UTRN: variants seen among roughly 807,000 people sequenced by gnomAD.
The protein encoded by UTRN is utrophin.
UTRN carries 283 observed loss-of-function variants against 463.9 expected under a neutral mutation model. The observed-to-expected ratio is 0.61, with a 90% confidence interval of 0.55 to 0.67. UTRN has a LOEUF of 0.67. Among genes scored for constraint, UTRN ranks in the 30% least tolerant of loss-of-function variants. UTRN has a pLI of 0.00. For missense variants in UTRN, 3,922 were observed against 4,084.3 expected, an observed-to-expected ratio of 0.96 and a Z score of 1.08; for synonymous variants, 1,442 against 1,431.5, an observed-to-expected ratio of 1.01 and a Z score of -0.17.
chr6:144,845,102 G>A (rs867050375), intron 73 of UTRN, among the ~76,000 whole-genome samples: 2 of 152,214 alleles, frequency 1.3e-5, no homozygotes, highest in South Asian at 2.1e-4. Context: ...GGTCCTGATA[G>A]CATCCTTGAA....
At chr6:144,698,831 A>G (rs1225200751) in intron 52 of UTRN, among the ~76,000 whole-genome samples, 1 of 152,216 alleles carries the variant, frequency 6.6e-6, no homozygotes, top group Non-Finnish European at 1.5e-5. Flanking sequence ...ATCTGTGATT[A>G]TGGAGTTCAT....
At chr6:144,481,686 A>G (rs1791883060) in intron 26 of UTRN, among the ~76,000 whole-genome samples, 1 of 152,252 alleles carries the variant, frequency 6.6e-6, no homozygotes, top group African/African-American at 2.4e-5. Context: ...CACTGCTGTT[A>G]TGAAATGAAA....
intron 50 of UTRN, among the ~76,000 whole-genome samples, chr6:144,561,260 T>C (rs865804894): frequency 0.43 from 31,422 of 72,730 alleles, 5,745 homozygotes; most frequent in South Asian, 0.53. Flanking sequence ...TATATATATA[T>C]ACATACACAC....
At chr6:144,615,019 T>C (rs138673097) in intron 51 of UTRN, among the ~76,000 whole-genome samples, 288 of 152,214 alleles carry the variant, frequency 1.9e-3, no homozygotes, top group Middle Eastern at 6.8e-3. Flanking sequence ...ATTTATAGGG[T>C]ATAAAATACT....
intron 45 of UTRN, 32 bp downstream of exon 45, chr6:144,539,475 A>G (rs777552140): frequency 1.9e-6 from 3 of 1,543,192 alleles, no homozygotes; most frequent in South Asian, 2.5e-5. Flanking sequence ...CACATTTCTC[A>G]TATTTATTGA....
At chr6:144,342,970 G>A (rs1361837662) in intron 2 of UTRN, among the ~76,000 whole-genome samples, 1 of 149,816 alleles carries the variant, frequency 6.7e-6, no homozygotes, top group South Asian at 2.1e-4. Context: ...TTTGGAGACT[G>A]AGGCTTAGAG....
intron 2 of UTRN, among the ~76,000 whole-genome samples, chr6:144,316,762 T>G (rs1019151596): frequency 2.6e-5 from 4 of 152,198 alleles, no homozygotes; most frequent in Non-Finnish European, 4.4e-5. Flanking sequence ...CTACCATAAT[T>G]TTATGGGGAA....
intron 22 of UTRN, among the ~76,000 whole-genome samples, 162 bp downstream of exon 22, chr6:144,461,504 AAAAG>A (rs1259042959): frequency 6.6e-6 from 1 of 152,252 alleles, no homozygotes; most frequent in African/African-American, 2.4e-5. Context: ...GACCTCACAT[AAAAG>A]AAAGTACAGT....
Position 144,594,240 on chromosome 6 carries a change from T to G in UTRN, c.7479+16952T>G, listed in dbSNP as rs557745071. ...GGGAAGCAGTGCCTTAACATCTATG[T>G]AGAGCTTTGCTCTTAAAGTGCTTTA... is the stretch of plus-strand genomic sequence containing the variant. On this transcript the variant is annotated intron_variant, in intron 51 of 74. Coordinates refer to ENST00000367545, the MANE Select transcript of UTRN (RefSeq NM_007124.3). Among the ~76,000 whole-genome samples, 5 of 152,084 alleles carry G rather than the reference T, an allele frequency of 3.3e-5. No individual in the cohort carries two copies. In the East Asian group the frequency reaches 9.7e-4, roughly 29 times the overall value.
At position 144,678,400 on chromosome 6, in the gene UTRN, G is replaced by T. The variant is rs1047705608; in HGVS notation, c.7480-6G>T. On this transcript the variant is annotated splice_region_variant and splice_polypyrimidine_tract_variant and intron_variant, in intron 51 of 74. Transcript: ENST00000367545. ...TTGCATTATCTATTTGCTTTTTTCT[G>T]TTTAGGACATCCAGGCAGAAATTGA... The T allele has an allele frequency of 6.2e-7, 1 of 1,608,654 alleles. No homozygotes were observed. The highest frequency in any genetic ancestry group is 8.5e-7 in the Non-Finnish European group (1 of 1,177,078).
At chr6:144,315,261 G>A (rs577362480) in intron 2 of UTRN, among the ~76,000 whole-genome samples, 16 of 152,266 alleles carry the variant, frequency 1.1e-4, no homozygotes, top group South Asian at 1.0e-3. Flanking sequence ...TTCAACCAGC[G>A]GGGTCAGGAA....
At chr6:144,637,525 C>T (rs999241859) in intron 51 of UTRN, among the ~76,000 whole-genome samples, 5 of 151,960 alleles carry the variant, frequency 3.3e-5, no homozygotes, top group African/African-American at 4.8e-5. Flanking sequence ...TGCAACGTCT[C>T]CTGCCCTGGG....
chr6:144,837,084 C>T (rs929187357), intron 71 of UTRN: 1 of 157,344 alleles, frequency 6.4e-6, no homozygotes, highest in Admixed American at 6.0e-5. Context: ...TGAATACATG[C>T]ATGTATGGAG....
intron 57 of UTRN, among the ~76,000 whole-genome samples, chr6:144,757,391 T>C (rs1354517740): frequency 6.6e-6 from 1 of 152,058 alleles, no homozygotes; most frequent in African/African-American, 2.4e-5. Context: ...GCCTTGGTTC[T>C]TCACAACTTT....
chr6:144,523,075 G>C lies in UTRN; in HGVS notation c.5793G>C (p.Gln1931His), dbSNP rs781438829. Reference sequence around the variant, plus strand: ...AGATTGCAGTCATTCATGAAAAACAGCCAGATGTCATCCTTGAAGCCTCTG... The same window carrying C: ...AGATTGCAGTCATTCATGAAAAACACCCAGATGTCATCCTTGAAGCCTCTG... Reference protein sequence around the residue: ...GEQIAVIHEKQPDVILEASGP... With the variant: ...GEQIAVIHEKHPDVILEASGP... Residue 1931 changes from glutamine (Q) to histidine (H), a missense_variant, in exon 41 of 75, where the codon CAG becomes CAC. By Grantham distance (24) the Gln-to-His change is conservative. Around this residue, in one of 3 missense-constraint regions of UTRN, gnomAD observed 2,349 missense variants for 2,303.8 expected, o/e 1.02. Coordinates refer to ENST00000367545, the MANE Select transcript of UTRN (RefSeq NM_007124.3). 1 of 1,613,332 alleles carries C rather than the reference G, an allele frequency of 6.2e-7. No individual in the cohort carries two copies. Among genetic ancestry groups the C allele is most frequent in the Non-Finnish European group, 8.5e-7 (1 of 1,179,674 alleles).
intron 51 of UTRN, among the ~76,000 whole-genome samples, chr6:144,635,514 C>CTTTTTTTTTTTTTTT (rs1402815648): frequency 1.2e-4 from 10 of 80,012 alleles, no homozygotes; most frequent in Admixed American, 1.9e-4. Context: ...CTTTTTTTTT[C>CTTTTTTTTTTTTTTT]TTTTTTTTTT....
At chr6:144,662,895 G>T (rs1435553038) in intron 51 of UTRN, among the ~76,000 whole-genome samples, 1 of 152,172 alleles carries the variant, frequency 6.6e-6, no homozygotes, top group African/African-American at 2.4e-5. Flanking sequence ...CAGTGGTTTT[G>T]TGATTTTTAC....
intron 2 of UTRN, among the ~76,000 whole-genome samples, chr6:144,338,655 T>C (rs1453661803): frequency 6.6e-6 from 1 of 152,036 alleles, no homozygotes; most frequent in African/African-American, 2.4e-5. Context: ...AGGAGAGTGA[T>C]TTGGAGAGAA....
intron 69 of UTRN, among the ~76,000 whole-genome samples, chr6:144,830,373 A>G (rs1006134626): frequency 1.3e-5 from 2 of 152,178 alleles, no homozygotes; most frequent in Admixed American, 6.5e-5. Flanking sequence ...CTACCATGTA[A>G]TGGTATGCTG....
Sources: gnomAD v4.1 joint callset for allele counts (sites outside exome capture counted in the v4.1 genomes callset) on GRCh38, gnomAD v4.1.1 for gene constraint, gnomAD v4.1.1 regional missense constraint, MANE v1.5 for transcripts, NCBI Gene and HGNC (gene_info 2026-07-23, HGNC 2026-07-21) for gene names.